Variants in TPCN2 observed in about 807,000 individuals in gnomAD.
TPCN2 encodes two pore segment channel 2.
TPCN2 carries 92 observed loss-of-function variants against 111.4 expected under a neutral mutation model. The observed-to-expected ratio is 0.83, with a 90% CI of 0.70 to 0.98. The LOEUF is 0.98. TPCN2 is among the 50% of genes least tolerant of loss of function. The pLI, the probability that TPCN2 is intolerant of heterozygous loss-of-function variation, is 0.00. For synonymous variants in TPCN2, 405 were observed against 414.5 expected, an observed-to-expected ratio of 0.98 and a Z score of 0.28; for missense variants, 995 against 980.1, an observed-to-expected ratio of 1.02 and a Z score of -0.20.
intron 22 of TPCN2, among the ~76,000 whole-genome samples, 153 bp downstream of exon 22, chr11:69,086,083 C>G (rs1031110507): frequency 2.7e-4 from 41 of 152,296 alleles, no homozygotes; most frequent in African/African-American, 9.4e-4. Flanking sequence ...GGCATCCTGG[C>G]TTGCCTTGTC....
chr11:69,049,859 A>G (rs919424081), intron 1 of TPCN2, among the ~76,000 whole-genome samples: 3 of 152,066 alleles, frequency 2.0e-5, no homozygotes, highest in African/African-American at 7.2e-5. Context: ...CTGGATTAAG[A>G]GGTGGAAGGA....
chr11:69,083,315 A>G (rs1426435108), intron 18 of TPCN2: 2 of 153,900 alleles, frequency 1.3e-5, no homozygotes, highest in African/African-American at 4.8e-5. Flanking sequence ...GCACACGTAC[A>G]TGCTGACTGG....
At chr11:69,050,693 G>T (rs531762273) in intron 1 of TPCN2, among the ~76,000 whole-genome samples, 1 of 152,172 alleles carries the variant, frequency 6.6e-6, no homozygotes, top group African/African-American at 2.4e-5. Context: ...TCACCTTTCC[G>T]AATCTCAGTA....
Position 69,048,945 on chromosome 11 carries a change from G to T in TPCN2, c.-53G>T, listed in dbSNP as rs1054173148. 1.8e-5 allele frequency: 21 copies of T among 1,158,164 alleles called. No homozygotes were observed. The African/African-American group carries it at 3.2e-4, about 17-fold the overall frequency. The allele number at this position is 1,158,164 out of a possible 1,614,324, so 71.7% of individuals were successfully genotyped here. ...CTCCGCGCCTGCGCAGTGAAGCTGG[G>T]CGCCTTCGGGGCTTGAGCTTCTGAG... On this transcript the variant is annotated 5_prime_UTR_variant, in exon 1 of 25. Coordinates refer to ENST00000294309, the MANE Select transcript of TPCN2 (RefSeq NM_139075.4).
chr11:69,085,330 C>T, intron 20 of TPCN2, 44 bp downstream of exon 20: 1 of 543,132 alleles, frequency 1.8e-6, no homozygotes, highest in Non-Finnish European at 3.7e-6. Context: ...CTCAGGGGTG[C>T]TGGGGTGGGC....
chr11:69,080,164 C>T (rs1214179038), intron 17 of TPCN2, among the ~76,000 whole-genome samples: 1 of 152,210 alleles, frequency 6.6e-6, no homozygotes, highest in Admixed American at 6.5e-5. Context: ...GCAGTGGGCT[C>T]CCCCTCCCAG....
chr11:69,054,151 T>C, intron 2 of TPCN2, 54 bp downstream of exon 2: 1 of 1,501,060 alleles, frequency 6.7e-7, no homozygotes, highest in Middle Eastern at 2.0e-4. Context: ...GCCCTCCGAT[T>C]GGCTCGCCCC....
chr11:69,085,792 C>G, intron 21 of TPCN2, 40 bp downstream of exon 21: 2 of 1,612,678 alleles, frequency 1.2e-6, no homozygotes, highest in Admixed American at 1.7e-5. Context: ...GCTCCCCGGG[C>G]TCCTCCCCTC....
At chr11:69,066,536 G>A (rs2134566265) in intron 7 of TPCN2, among the ~76,000 whole-genome samples, 1 of 152,366 alleles carries the variant, frequency 6.6e-6, no homozygotes, top group South Asian at 2.1e-4. Flanking sequence ...CATTTTATAG[G>A]TGAGGCCTTG....
chr11:69,086,961 C>A, intron 23 of TPCN2, 151 bp from the exon 24 acceptor site: 1 of 649,762 alleles, frequency 1.5e-6, no homozygotes, highest in Non-Finnish European at 2.6e-6. Context: ...GAGGAGCCAG[C>A]AGCCTCGTGG....
At position 69,069,290 on chromosome 11, in the gene TPCN2, C is replaced by T. The variant is rs1478902697; in HGVS notation, c.830-1140C>T. ...GAAGTGACCGCACTGGGAGCAGGAC[C>T]GTCTGAGTCCTAGGAAGTGACCGCA... On this transcript the variant is annotated intron_variant, in intron 8 of 24. Transcript: ENST00000294309. 3.2e-4 allele frequency among the ~76,000 whole-genome samples: 15 copies of T among 46,718 alleles called. 1 individual carries two copies. The highest frequency in any genetic ancestry group is 1.7e-3 in the South Asian group (2 of 1,176). The allele number at this position is 46,718 out of a possible 152,430, so 30.6% of individuals were successfully genotyped here.
chr11:69,081,514 C>A lies in TPCN2; in HGVS notation c.1689+15C>A. 1 of 1,528,954 alleles carries A rather than the reference C, an allele frequency of 6.5e-7. No individual in the cohort carries two copies. The highest frequency in any genetic ancestry group is 1.4e-5 in the African/African-American group (1 of 72,944). 94.7% of individuals were successfully genotyped at this position (1,528,954 alleles called of 1,614,324 possible). A position where few individuals can be genotyped will look rare whatever the true frequency, so the allele number is the denominator to read the frequency against. On this transcript the variant is annotated intron_variant, in intron 18 of 24. Transcript: ENST00000294309. ...CCAGCATGAAGGTGTGTGCCGGCCC[C>A]ACCCCCACTCGCCCCACCCTCCTGG...
chr11:69,054,412 C>A (rs573469856), intron 2 of TPCN2: 9 of 564,074 alleles, frequency 1.6e-5, no homozygotes, highest in African/African-American at 3.8e-5. Context: ...GTCAGCCTTG[C>A]ACAGAGAAGA....
chr11:69,071,025 C>T (rs1855508004), intron 9 of TPCN2, among the ~76,000 whole-genome samples: 2 of 150,604 alleles, frequency 1.3e-5, no homozygotes, highest in African/African-American at 4.9e-5. Flanking sequence ...GGGGATCCCC[C>T]ACCAACAGCT....
In TPCN2 at chr11:69,085,677, C is replaced by CCA. The variant is rs1856242626; in HGVS notation, c.1846_1847insAC (p.Pro616HisfsTer35). ...GGTGTGTTGTGTTCCCCAGCCTGGC[C>CCA]CCTGCCAATGGCTCGGCGCCCTGTG... On this transcript the variant is annotated frameshift_variant, in exon 21 of 25. Coordinates refer to ENST00000294309, the MANE Select transcript of TPCN2 (RefSeq NM_139075.4). LOFTEE classifies it high-confidence loss of function. The CCA allele has an allele frequency of 6.2e-7, 1 of 1,611,738 alleles. No individual in the cohort carries two copies.
chr11:69,079,138 T>C, intron 16 of TPCN2, 118 bp downstream of exon 16: 1 of 1,357,754 alleles, frequency 7.4e-7, no homozygotes, highest in Non-Finnish European at 9.9e-7. Flanking sequence ...GAAGGTGGGC[T>C]TCTGCTCTCA....
chr11:69,056,514 T>C (rs578261858), intron 4 of TPCN2, among the ~76,000 whole-genome samples: 1 of 152,296 alleles, frequency 6.6e-6, no homozygotes, highest in South Asian at 2.1e-4. Context: ...CTGTGACCTC[T>C]GGGGGCTGTC....
chr11:69,070,955 C>T (rs540675425), intron 9 of TPCN2, among the ~76,000 whole-genome samples: 1 of 149,454 alleles, frequency 6.7e-6, no homozygotes, highest in East Asian at 2.0e-4. Context: ...CACGGCTTCA[C>T]CCCAGGGATC....
At position 69,071,434 on chromosome 11, in the gene TPCN2, C is replaced by T. The variant is rs1352186755; in HGVS notation, c.960+14C>T. Reference sequence around the variant, plus strand: ...GGCTACCTGATGGTGAGCGAGCTCCCCAATGCTGGCTGTGCCTGGAGCTGC... The same window carrying T: ...GGCTACCTGATGGTGAGCGAGCTCCTCAATGCTGGCTGTGCCTGGAGCTGC... On this transcript the variant is annotated intron_variant, in intron 10 of 24. Coordinates refer to ENST00000294309, the MANE Select transcript of TPCN2 (RefSeq NM_139075.4). The T allele has an allele frequency of 1.2e-6, 2 of 1,610,770 alleles. No individual in the cohort carries two copies. Among genetic ancestry groups the T allele is most frequent in the Admixed American group, 1.7e-5 (1 of 59,764 alleles).
Sources: gnomAD v4.1 joint callset for allele counts (sites outside exome capture counted in the v4.1 genomes callset) on GRCh38, gnomAD v4.1.1 for gene constraint, MANE v1.5 for transcripts, NCBI Gene and HGNC (gene_info 2026-07-23, HGNC 2026-07-21) for gene names.